The following DPYD variants were observed in gnomAD, a reference collection of about 807,000 sequenced individuals.
DPYD encodes the protein dihydropyrimidine dehydrogenase [NADP(+)].
DPYD carries 109 observed loss-of-function variants against 116.2 expected under a neutral mutation model. That is an observed-to-expected ratio of 0.94 (90% confidence interval 0.80 to 1.10). The LOEUF is 1.10. DPYD is among the 50% of genes least tolerant of loss of function. DPYD has a pLI of 0.00. For missense variants in DPYD, 1,302 were observed against 1,254.5 expected (o/e 1.04, Z -0.57); for synonymous variants, 440 against 432.0 (o/e 1.02, Z -0.23).
chr1:97,425,491 T>C (rs958167332), intron 14 of DPYD, among the ~76,000 whole-genome samples: 1 of 152,090 alleles, frequency 6.6e-6, no homozygotes, highest in South Asian at 2.1e-4. Flanking sequence ...GATTTCGGCT[T>C]TCCTGTTATG....
chr1:97,490,326 A>T (rs1292778460), intron 13 of DPYD, among the ~76,000 whole-genome samples: 2 of 148,250 alleles, frequency 1.3e-5, no homozygotes, highest in African/African-American at 4.9e-5. Context: ...AATATAGAAT[A>T]TACTGATAAT....
At chr1:97,129,259 T>C (rs1653091316) in intron 20 of DPYD, among the ~76,000 whole-genome samples, 1 of 151,962 alleles carries the variant, frequency 6.6e-6, no homozygotes, top group Non-Finnish European at 1.5e-5. Flanking sequence ...ATAGACAGGG[T>C]TTCACCATGT....
intron 20 of DPYD, among the ~76,000 whole-genome samples, chr1:97,127,052 G>T (rs193147092): frequency 2.0e-5 from 3 of 152,284 alleles, no homozygotes; most frequent in Admixed American, 1.3e-4. Context: ...ATTGAAAAGG[G>T]AAGACAAGTA....
rs114482043 is a variant in DPYD at position 97,549,993 on chromosome 1, C to T, written c.1340-249G>A. 2.1e-3 allele frequency among the ~76,000 whole-genome samples: 324 copies of T among 152,192 alleles called. 1 individual carries two copies. Among genetic ancestry groups the T allele is most frequent in the African/African-American group, 7.5e-3 (310 of 41,530 alleles). ...CACAGATTTGGTCAATGTTTCAGAG[C>T]GGACATTTATGTCTACGAAGTATGG... On this transcript the variant is annotated intron_variant, in intron 11 of 22. Transcript: ENST00000370192.
chr1:97,159,776 T>C (rs1009807207), intron 20 of DPYD, among the ~76,000 whole-genome samples: 5 of 152,194 alleles, frequency 3.3e-5, no homozygotes, highest in South Asian at 2.1e-4. Flanking sequence ...ATACATTCTG[T>C]TCCTTTTAAT....
chr1:97,750,993 G>GC (rs1664846540), intron 3 of DPYD, among the ~76,000 whole-genome samples: 1 of 152,084 alleles, frequency 6.6e-6, no homozygotes, highest in African/African-American at 2.4e-5. Context: ...GAGTGACAAT[G>GC]CAAGTGCTGG....
At chr1:97,136,657 T>G (rs561062873) in intron 20 of DPYD, among the ~76,000 whole-genome samples, 1 of 152,260 alleles carries the variant, frequency 6.6e-6, no homozygotes, top group East Asian at 1.9e-4. Flanking sequence ...GGTCACAAAT[T>G]GTGCTGGAAT....
chr1:97,309,807 A>G (rs1395052430), intron 16 of DPYD, among the ~76,000 whole-genome samples: 2 of 151,800 alleles, frequency 1.3e-5, no homozygotes, highest in Non-Finnish European at 2.9e-5. Context: ...TTAAAGCTTA[A>G]TTTCTAATCT....
intron 13 of DPYD, among the ~76,000 whole-genome samples, chr1:97,462,550 C>T (rs1334754506): frequency 6.6e-6 from 1 of 152,132 alleles, no homozygotes; most frequent in African/African-American, 2.4e-5. Context: ...TTCTACCCTC[C>T]TCCTTTTGAA....
At chr1:97,490,295 T>C (rs1304078184) in intron 13 of DPYD, among the ~76,000 whole-genome samples, 1 of 149,252 alleles carries the variant, frequency 6.7e-6, no homozygotes, top group Non-Finnish European at 1.5e-5. Flanking sequence ...TCATCCTTTA[T>C]TATTATACTA....
chr1:97,550,711 C>T (rs1651257482), intron 11 of DPYD, among the ~76,000 whole-genome samples: 1 of 151,876 alleles, frequency 6.6e-6, no homozygotes, highest in African/African-American at 2.4e-5. Flanking sequence ...TACTCCAACT[C>T]CAAAGAGAAA....
chr1:97,297,331 G>A (rs1232926091), intron 18 of DPYD, among the ~76,000 whole-genome samples: 1 of 152,144 alleles, frequency 6.6e-6, no homozygotes, highest in African/African-American at 2.4e-5. Flanking sequence ...CACCATGTAT[G>A]TGTCTCAAAG....
At chr1:97,843,713 T>A (rs1426473556) in intron 2 of DPYD, among the ~76,000 whole-genome samples, 2 of 152,174 alleles carry the variant, frequency 1.3e-5, no homozygotes, top group African/African-American at 4.8e-5. Context: ...ATTATTTTCA[T>A]ATGTACAGCA....
intron 14 of DPYD, 103 bp from the exon 15 acceptor site, chr1:97,382,564 A>C: frequency 1.6e-6 from 1 of 638,250 alleles, no homozygotes; most frequent in Non-Finnish European, 2.5e-6. Flanking sequence ...ACTATATTAT[A>C]AAATTAGTTT....
Position 97,580,289 on chromosome 1 carries a change from A to G in DPYD, c.1129-6319T>C, listed in dbSNP as rs530380013. ...CTAATTGACCATTTATCCATTCTAT[A>G]TGAACACAAAAACCTAAAAATATTA... On this transcript the variant is annotated intron_variant, in intron 10 of 22. Coordinates refer to ENST00000370192, the MANE Select transcript of DPYD (RefSeq NM_000110.4). 2.2e-4 allele frequency among the ~76,000 whole-genome samples: 33 copies of G among 152,360 alleles called. No homozygotes were observed. In the South Asian group the frequency reaches 6.2e-3, roughly 29 times the overall value.
intron 20 of DPYD, among the ~76,000 whole-genome samples, chr1:97,136,499 G>A (rs1327888857): frequency 6.6e-6 from 1 of 151,990 alleles, no homozygotes; most frequent in African/African-American, 2.4e-5. Context: ...TTTCCTTTTG[G>A]ACACGTAATG....
intron 13 of DPYD, among the ~76,000 whole-genome samples, chr1:97,479,531 A>G (rs1678181505): frequency 6.6e-6 from 1 of 152,300 alleles, no homozygotes; most frequent in South Asian, 2.1e-4. Flanking sequence ...TCATTGGTGT[A>G]ACAGATGACC....
chr1:97,145,419 A>T (rs1654544645), intron 20 of DPYD, among the ~76,000 whole-genome samples: 1 of 152,166 alleles, frequency 6.6e-6, no homozygotes, highest in Non-Finnish European at 1.5e-5. Flanking sequence ...TTGTTGTATA[A>T]TAATTCATTC....
intron 20 of DPYD, among the ~76,000 whole-genome samples, chr1:97,151,567 C>T (rs996210043): frequency 6.6e-6 from 1 of 152,010 alleles, no homozygotes; most frequent in East Asian, 1.9e-4. Flanking sequence ...CCCAGCTACT[C>T]GGCAGGCTGA....
Sources: allele counts gnomAD v4.1 joint callset (sites outside exome capture counted in the v4.1 genomes callset), GRCh38; gene constraint gnomAD v4.1.1; transcripts MANE v1.5; gene names NCBI Gene and HGNC (gene_info 2026-07-23, HGNC 2026-07-21).